DLC1: variants seen among roughly 807,000 people sequenced by gnomAD.
The protein encoded by DLC1 is DLC1 Rho GTPase activating protein.
DLC1 carries 54 observed loss-of-function variants against 140.3 expected under a neutral mutation model. The observed-to-expected ratio is 0.38, with a 90% CI of 0.31 to 0.48. The LOEUF is 0.48. Among genes scored for constraint, DLC1 ranks in the 20% least tolerant of loss-of-function variants. The pLI is 0.96. For synonymous variants in DLC1, 986 were observed against 728.1 expected (o/e 1.35, Z -5.70); for missense variants, 2,536 against 1,907.0 (o/e 1.33, Z -6.14).
intron 5 of DLC1, among the ~76,000 whole-genome samples, chr8:13,300,779 TAG>T (rs1832159993): frequency 6.6e-6 from 1 of 152,172 alleles, no homozygotes; most frequent in African/African-American, 2.4e-5. Flanking sequence ...CTGTGGCTAA[TAG>T]AGAGTCAGAT....
intron 4 of DLC1, among the ~76,000 whole-genome samples, chr8:13,336,894 G>T (rs1039512257): frequency 1.0e-4 from 4 of 39,214 alleles, no homozygotes; most frequent in African/African-American, 1.7e-4. Context: ...TGTCAAATTT[G>T]TCATTTTTTT....
chr8:13,162,900 T>G (rs1193744147), intron 5 of DLC1, among the ~76,000 whole-genome samples: 1 of 152,182 alleles, frequency 6.6e-6, no homozygotes, highest in Non-Finnish European at 1.5e-5. Flanking sequence ...CATTCCAGTC[T>G]GAAGACCCTG....
chr8:13,505,742 G>T (rs149665474), intron 1 of DLC1, among the ~76,000 whole-genome samples: 1 of 152,080 alleles, frequency 6.6e-6, no homozygotes, highest in Non-Finnish European at 1.5e-5. Flanking sequence ...GAGATTCTTA[G>T]GTCAGTTCTT....
chr8:13,478,452 G>A (rs1429240557), intron 2 of DLC1, among the ~76,000 whole-genome samples: 1 of 152,134 alleles, frequency 6.6e-6, no homozygotes, highest in Non-Finnish European at 1.5e-5. Flanking sequence ...TTCAATCTAT[G>A]TCAGTGCATA....
intron 2 of DLC1, among the ~76,000 whole-genome samples, chr8:13,480,166 C>A (rs1193107951): frequency 6.6e-6 from 1 of 152,208 alleles, no homozygotes; most frequent in East Asian, 1.9e-4. Flanking sequence ...TGAGAAATAT[C>A]ATCCAGTTTC....
intron 5 of DLC1, among the ~76,000 whole-genome samples, chr8:13,144,408 C>T (rs539610937): frequency 3.9e-5 from 6 of 152,162 alleles, no homozygotes; most frequent in African/African-American, 1.4e-4. Context: ...GGTTCTCCAC[C>T]TTGCGGATGG....
intron 5 of DLC1, among the ~76,000 whole-genome samples, chr8:13,163,380 T>C (rs1824865090): frequency 1.3e-5 from 2 of 152,136 alleles, no homozygotes; most frequent in Non-Finnish European, 2.9e-5. Context: ...GGAAAGCACC[T>C]AGGATCATGA....
intron 5 of DLC1, among the ~76,000 whole-genome samples, chr8:13,204,712 A>T (rs1229243471): frequency 6.6e-6 from 1 of 152,200 alleles, no homozygotes; most frequent in East Asian, 1.9e-4. Context: ...AAAACATAAC[A>T]TCTTTTTAAA....
At chr8:13,267,636 GTTATA>G (rs1830743761) in intron 5 of DLC1, among the ~76,000 whole-genome samples, 1 of 151,974 alleles carries the variant, frequency 6.6e-6, no homozygotes, top group African/African-American at 2.4e-5. Flanking sequence ...ACAATCAGAT[GTTATA>G]TTATGACTTT....
intron 2 of DLC1, among the ~76,000 whole-genome samples, chr8:13,484,182 A>G (rs1800865271): frequency 6.6e-6 from 1 of 152,234 alleles, no homozygotes; most frequent in Admixed American, 6.5e-5. Context: ...GCCAGTTAAG[A>G]AAACGTAGCA....
chr8:13,295,536 C>G (rs1831910945), intron 5 of DLC1, among the ~76,000 whole-genome samples: 2 of 152,196 alleles, frequency 1.3e-5, no homozygotes, highest in Non-Finnish European at 2.9e-5. Flanking sequence ...TTGTTAATAA[C>G]TCTTTAAGGT....
chr8:13,357,447 G>A (rs1834999211), intron 4 of DLC1, among the ~76,000 whole-genome samples: 1 of 152,232 alleles, frequency 6.6e-6, no homozygotes, highest in Non-Finnish European at 1.5e-5. Context: ...CCAGGCCTGA[G>A]CCCCAGCACG....
At chr8:13,593,055 T>G (rs1356687107) in intron 1 of DLC1, among the ~76,000 whole-genome samples, 1 of 152,090 alleles carries the variant, frequency 6.6e-6, no homozygotes, top group Non-Finnish European at 1.5e-5. Flanking sequence ...TATTACAGTC[T>G]GAAGTAGCAA....
intron 1 of DLC1, among the ~76,000 whole-genome samples, chr8:13,584,801 C>T (rs1026873754): frequency 9.2e-5 from 14 of 152,162 alleles, no homozygotes; most frequent in African/African-American, 3.4e-4. Flanking sequence ...TGGAACTGTG[C>T]ACACACCCAG....
intron 5 of DLC1, among the ~76,000 whole-genome samples, chr8:13,140,023 C>T (rs1822857554): frequency 1.3e-5 from 2 of 152,140 alleles, no homozygotes; most frequent in East Asian, 1.9e-4. Context: ...TTTTCATCAT[C>T]CCCACCTGAA....
rs541238081 is a variant in DLC1, at chr8:13,191,784, C to T, written c.1349-76127G>A. On this transcript the variant is annotated intron_variant, in intron 5 of 17. Transcript: ENST00000276297. ...GTGTGACTGTGGCCACAACATTCTC[C>T]TTTCTGGATCTCAGTTTCTTCATCT... Among the ~76,000 whole-genome samples the T allele has an allele frequency of 1.7e-4, 26 of 152,216 alleles. No homozygotes were observed. The East Asian group carries it at 5.0e-3, about 29-fold the overall frequency.
intron 1 of DLC1, chr8:13,559,349 C>T (rs1369951740): frequency 6.6e-6 from 1 of 152,214 alleles, no homozygotes; most frequent in African/African-American, 2.4e-5. Context: ...AACAGTCTTG[C>T]ATTCTTCAGT....
intron 4 of DLC1, among the ~76,000 whole-genome samples, chr8:13,378,565 A>G (rs184208253): frequency 1.2e-4 from 19 of 152,262 alleles, no homozygotes; most frequent in African/African-American, 4.6e-4. Context: ...TACTATATAC[A>G]TATTTATTGA....
At chr8:13,316,174 G>A (rs969728146) in intron 4 of DLC1, among the ~76,000 whole-genome samples, 7 of 152,234 alleles carry the variant, frequency 4.6e-5, no homozygotes, top group Non-Finnish European at 8.8e-5. Flanking sequence ...AGTGTCCAAC[G>A]ATGCCTCCCT....
Sources: allele counts gnomAD v4.1 joint callset (sites outside exome capture counted in the v4.1 genomes callset), GRCh38; gene constraint gnomAD v4.1.1; transcripts MANE v1.5; gene names NCBI Gene and HGNC (gene_info 2026-07-23, HGNC 2026-07-21).